Variants in SYCP2L observed in about 807,000 individuals in gnomAD.
SYCP2L encodes the protein synaptonemal complex protein 2 like, also known as synaptonemal complex protein 2-like.
SYCP2L carries 98 observed loss-of-function variants against 125.8 expected under a neutral mutation model. The ratio of observed to expected loss-of-function variants is 0.78; its 90% CI spans 0.66 to 0.92. SYCP2L has a LOEUF of 0.92. SYCP2L is among the 40% of genes least tolerant of loss of function. The probability of loss-of-function intolerance (pLI) is 0.00; values close to 1 mark genes in which losing one functional copy is unlikely to be tolerated. For missense variants in SYCP2L, 842 were observed against 936.4 expected (o/e 0.90, Z 1.32); for synonymous variants, 317 against 325.4 (o/e 0.97, Z 0.28).
chr6:10,963,757 TAA>T, intron 28 of SYCP2L, 23 bp from the exon 29 acceptor site: 1 of 1,612,520 alleles, frequency 6.2e-7, no homozygotes, highest in Non-Finnish European at 8.5e-7. Context: ...GTGAATATAA[TAA>T]GAGATGGACC....
chr6:10,971,076 G>A (rs1295328695), intron 29 of SYCP2L, among the ~76,000 whole-genome samples: 1 of 152,120 alleles, frequency 6.6e-6, no homozygotes, highest in Admixed American at 6.5e-5. Flanking sequence ...ATTCTAAATG[G>A]ATGTTCTAGA....
At chr6:10,956,275 G>A (rs188879393) in intron 25 of SYCP2L, 33 bp downstream of exon 25, 130 of 1,468,228 alleles carry the variant, frequency 8.9e-5, no homozygotes, top group Admixed American at 1.7e-4. Context: ...AAACTAGAGC[G>A]TTATGAATCT....
intron 1 of SYCP2L, among the ~76,000 whole-genome samples, chr6:10,888,637 G>A (rs1364095344): frequency 1.3e-5 from 2 of 152,080 alleles, no homozygotes; most frequent in Non-Finnish European, 2.9e-5. Flanking sequence ...TTGAAAGGAG[G>A]TAGAAATAAA....
intron 20 of SYCP2L, among the ~76,000 whole-genome samples, chr6:10,932,969 G>T (rs1216823940): frequency 1.3e-5 from 2 of 152,136 alleles, no homozygotes; most frequent in African/African-American, 4.8e-5. Flanking sequence ...GGCCAGGCTG[G>T]TTTCGAACTC....
chr6:10,960,880 A>G (rs1055523207), intron 26 of SYCP2L, among the ~76,000 whole-genome samples: 7 of 152,174 alleles, frequency 4.6e-5, no homozygotes, highest in African/African-American at 1.4e-4. Context: ...GCTTGAGATC[A>G]GCCTGGCCAA....
intron 10 of SYCP2L, among the ~76,000 whole-genome samples, chr6:10,908,208 AGAACTAGGT>A (rs1320513296): frequency 1.3e-5 from 2 of 152,144 alleles, no homozygotes; most frequent in Admixed American, 1.3e-4. Flanking sequence ...TATAGGAGAC[AGAACTAGGT>A]GAATTTGATG....
chr6:10,924,676 T>C, intron 15 of SYCP2L, 35 bp downstream of exon 15: 1 of 1,453,056 alleles, frequency 6.9e-7, no homozygotes, highest in Non-Finnish European at 9.0e-7. Flanking sequence ...TATTTAAAAA[T>C]GTTTTAGTAT....
In SYCP2L at chr6:10,965,719, T is replaced by A. The variant is rs111376219; in HGVS notation, c.*37+1876T>A. Among the ~76,000 whole-genome samples the A allele has an allele frequency of 5.2e-3, 786 of 152,344 alleles. 7 individuals carry two copies. Among genetic ancestry groups the A allele is most frequent in the African/African-American group, 0.018 (750 of 41,582 alleles). ...GTGCTGCTCAAACCATTCTAGCACA[T>A]AGAAGATTAAACATTTCCTAATTTT... On this transcript the variant is annotated intron_variant, in intron 29 of 29. Coordinates refer to ENST00000283141, the MANE Select transcript of SYCP2L (RefSeq NM_001040274.3).
chr6:10,960,833 T>C (rs1385223801), intron 26 of SYCP2L, among the ~76,000 whole-genome samples: 1 of 152,134 alleles, frequency 6.6e-6, no homozygotes, highest in East Asian at 1.9e-4. Context: ...CCCAGCATTT[T>C]GGGATGCTGA....
intron 10 of SYCP2L, among the ~76,000 whole-genome samples, chr6:10,907,917 G>T (rs971041704): frequency 3.6e-5 from 1 of 27,874 alleles, no homozygotes; most frequent in Admixed American, 5.0e-4. Flanking sequence ...TTTTGACAGA[G>T]TCTCACTCTT....
At chr6:10,958,060 T>C (rs192016874) in intron 25 of SYCP2L, among the ~76,000 whole-genome samples, 1 of 152,338 alleles carries the variant, frequency 6.6e-6, no homozygotes, top group African/African-American at 2.4e-5. Context: ...ATTCATTTAA[T>C]TAACTTAGAT....
At chr6:10,934,910 A>C in intron 20 of SYCP2L, 148 bp from the exon 21 acceptor site, 1 of 751,384 alleles carries the variant, frequency 1.3e-6, no homozygotes, top group South Asian at 2.5e-5. Flanking sequence ...AAACACACAG[A>C]AATTCTTAGT....
intron 22 of SYCP2L, 26 bp downstream of exon 22, chr6:10,942,555 T>A (rs1172921041): frequency 8.2e-6 from 13 of 1,591,430 alleles, no homozygotes; most frequent in Non-Finnish European, 1.1e-5. Context: ...TGGTTATTCA[T>A]CTGATTTTCC....
At chr6:10,958,660 C>A in intron 25 of SYCP2L, 124 bp from the exon 26 acceptor site, 1 of 861,878 alleles carries the variant, frequency 1.2e-6, no homozygotes, top group Non-Finnish European at 1.8e-6. Context: ...ATCACACTTG[C>A]TTAGCACTCA....
At chr6:10,958,943 C>A (rs1561701634) in intron 26 of SYCP2L, 68 bp downstream of exon 26, 1 of 1,375,918 alleles carries the variant, frequency 7.3e-7, no homozygotes, top group Non-Finnish European at 1.0e-6. Context: ...TATCTCATGA[C>A]CACTGTGCTA....
intron 28 of SYCP2L, among the ~76,000 whole-genome samples, chr6:10,962,272 A>ACCTATGCATATATTCCTATGTATATATT (rs1781606398): frequency 2.7e-5 from 4 of 149,206 alleles, no homozygotes; most frequent in African/African-American, 1.0e-4. Flanking sequence ...TCTTCCTAAA[A>ACCTATGCATATATTCCTATGTATATATT]CCTATGCATA....
intron 29 of SYCP2L, among the ~76,000 whole-genome samples, chr6:10,969,923 G>A (rs80331013): frequency 0.2 from 30,078 of 152,148 alleles, 3,664 homozygotes; most frequent in East Asian, 0.27. Context: ...ATATGAGTAT[G>A]TGCCTGCTCA....
At chr6:10,968,160 G>A (rs536154668) in intron 29 of SYCP2L, among the ~76,000 whole-genome samples, 1 of 152,328 alleles carries the variant, frequency 6.6e-6, no homozygotes, top group South Asian at 2.1e-4. Context: ...GAAAGGCCAG[G>A]AAGATGTGGT....
In SYCP2L at chr6:10,963,738, T is replaced by C. The variant is rs201768952; in HGVS notation, c.2415-44T>C. 4.4e-6 allele frequency: 7 copies of C among 1,599,108 alleles called. No individual in the cohort carries two copies. In the East Asian group the frequency reaches 1.6e-4, roughly 36 times the overall value. On this transcript the variant is annotated intron_variant, in intron 28 of 29. Coordinates refer to ENST00000283141, the MANE Select transcript of SYCP2L (RefSeq NM_001040274.3). ...CTAGATGTATGTTCTTGTTTTTAAA[T>C]TGTCTAATGTGAATATAATAAGAGA...
Sources: gnomAD v4.1 joint callset for allele counts (sites outside exome capture counted in the v4.1 genomes callset) on GRCh38, gnomAD v4.1.1 for gene constraint, MANE v1.5 for transcripts, NCBI Gene and HGNC (gene_info 2026-07-23, HGNC 2026-07-21) for gene names.